The following GRIP1 variants were observed in gnomAD, a reference collection of about 807,000 sequenced individuals.
GRIP1 encodes glutamate receptor interacting protein 1.
Under a neutral mutation model 129.9 loss-of-function variants are expected in GRIP1, and 45 were observed. That is an observed-to-expected ratio of 0.35 (90% CI 0.27 to 0.44). The LOEUF (loss-of-function observed/expected upper bound fraction) is 0.44. Ranked by LOEUF, GRIP1 falls within the 20% of genes least tolerant of loss-of-function variation. The probability of loss-of-function intolerance (pLI) is 1.00; values close to 1 mark genes in which losing one functional copy is unlikely to be tolerated. For synonymous variants in GRIP1, 530 were observed against 520.8 expected (o/e 1.02, Z -0.24); for missense variants, 1,196 against 1,396.8 (o/e 0.86, Z 2.29).
chr12:66,484,894 G>C (rs2059911048), intron 7 of GRIP1, among the ~76,000 whole-genome samples: 1 of 152,126 alleles, frequency 6.6e-6, no homozygotes, highest in Non-Finnish European at 1.5e-5. Context: ...CTATTACTCT[G>C]AGTTGATCAT....
chr12:66,991,091 T>C (rs1327738960), intron 1 of GRIP1, among the ~76,000 whole-genome samples: 1 of 150,228 alleles, frequency 6.7e-6, no homozygotes, highest in Admixed American at 6.6e-5. Context: ...GCTAACAGGG[T>C]GAAATCCCGT....
At chr12:66,376,927 G>T in intron 22 of GRIP1, 90 bp downstream of exon 22, 1 of 893,774 alleles carries the variant, frequency 1.1e-6, no homozygotes, top group Non-Finnish European at 1.9e-6. Context: ...ACTTTTGACT[G>T]CATTGTATAA....
rs558868981 is a variant in GRIP1 at position 66,608,730 on chromosome 12, G to A, written c.56-11803C>T. On this transcript the variant is annotated intron_variant, in intron 1 of 24. Coordinates refer to ENST00000359742, the MANE Select transcript of GRIP1 (RefSeq NM_001366722.1). ...TACCACTTACTAGCTGTGTGACCTCGGACAGGTTCAGTTTCGTCACCTATA... is the reference window on the plus strand; with the variant it reads ...TACCACTTACTAGCTGTGTGACCTCAGACAGGTTCAGTTTCGTCACCTATA... 1.1e-4 allele frequency among the ~76,000 whole-genome samples: 17 copies of A among 152,068 alleles called. No individual in the cohort carries two copies. The South Asian group carries it at 2.1e-3, about 19-fold the overall frequency.
intron 2 of GRIP1, among the ~76,000 whole-genome samples, chr12:66,579,109 C>A (rs1351441728): frequency 6.6e-6 from 1 of 152,166 alleles, no homozygotes; most frequent in Non-Finnish European, 1.5e-5. Flanking sequence ...CACGAAAAAC[C>A]ACTGTTCTGC....
chr12:66,413,924 T>C (rs2057490105), intron 15 of GRIP1, among the ~76,000 whole-genome samples: 1 of 151,898 alleles, frequency 6.6e-6, no homozygotes. Flanking sequence ...CTCTCAATAA[T>C]CTCGGTATTG....
At chr12:66,866,015 G>A (rs2137134571) in intron 1 of GRIP1, among the ~76,000 whole-genome samples, 1 of 152,202 alleles carries the variant, frequency 6.6e-6, no homozygotes, top group South Asian at 2.1e-4. Context: ...AATAACCAAA[G>A]CCTTACTTTT....
chr12:66,965,869 C>T (rs11176501), intron 1 of GRIP1, among the ~76,000 whole-genome samples: 2 of 152,246 alleles, frequency 1.3e-5, no homozygotes, highest in Admixed American at 6.5e-5. Flanking sequence ...TTGGATGACA[C>T]TATTGCAAAA....
At chr12:66,451,421 T>TTTTTTTTTTTTTTTC (rs1565752142) in intron 11 of GRIP1, among the ~76,000 whole-genome samples, 1 of 115,558 alleles carries the variant, frequency 8.7e-6, no homozygotes, top group African/African-American at 3.6e-5. Context: ...TTTTTTTTTT[T>TTTTTTTTTTTTTTTC]CAGATAGGCT....
chr12:66,696,797 T>G (rs1399360642), intron 1 of GRIP1, among the ~76,000 whole-genome samples: 11 of 115,756 alleles, frequency 9.5e-5, no homozygotes, highest in Middle Eastern at 6.0e-3. Context: ...AGAGCAAGAC[T>G]CTGTCTCAAA....
intron 1 of GRIP1, among the ~76,000 whole-genome samples, chr12:66,707,502 C>CAAAAAAA (rs1565979272): frequency 2.3e-5 from 2 of 86,002 alleles, no homozygotes; most frequent in Non-Finnish European, 2.3e-5. Context: ...CAATCACTGA[C>CAAAAAAA]TAAAAAAAAA....
intron 1 of GRIP1, among the ~76,000 whole-genome samples, chr12:66,961,554 G>A (rs1327830452): frequency 1.3e-5 from 2 of 152,110 alleles, no homozygotes; most frequent in Non-Finnish European, 2.9e-5. Context: ...TGTATCTGTT[G>A]ATGTTACAGA....
intron 4 of GRIP1, among the ~76,000 whole-genome samples, chr12:66,536,289 A>T (rs1453116268): frequency 6.6e-6 from 1 of 152,100 alleles, no homozygotes; most frequent in South Asian, 2.1e-4. Flanking sequence ...AACAAATCAC[A>T]TCATGTCACT....
chr12:66,420,419 T>TTG (rs911370276), intron 15 of GRIP1, among the ~76,000 whole-genome samples: 2 of 150,722 alleles, frequency 1.3e-5, no homozygotes, highest in African/African-American at 4.9e-5. Context: ...TTCAGGGTTT[T>TTG]TTTTTTTTTT....
At chr12:66,719,842 T>C (rs1019433561) in intron 1 of GRIP1, among the ~76,000 whole-genome samples, 4 of 152,050 alleles carry the variant, frequency 2.6e-5, no homozygotes, top group African/African-American at 7.2e-5. Context: ...GGTTAAAGAG[T>C]GGAGGAAACC....
At chr12:66,737,219 T>G (rs1386198228) in intron 1 of GRIP1, among the ~76,000 whole-genome samples, 1 of 152,192 alleles carries the variant, frequency 6.6e-6, no homozygotes, top group African/African-American at 2.4e-5. Flanking sequence ...GTTTTTTTCT[T>G]TCTAGGTTCT....
chr12:66,365,350 T>G (rs111800995), intron 23 of GRIP1, among the ~76,000 whole-genome samples: 7,130 of 152,246 alleles, frequency 0.047, 428 homozygotes, highest in African/African-American at 0.12. Context: ...GGCAGGAGAA[T>G]TGCTTGAACC....
At chr12:66,898,811 T>TCTA (rs2137260562) in intron 1 of GRIP1, among the ~76,000 whole-genome samples, 1 of 152,314 alleles carries the variant, frequency 6.6e-6, no homozygotes, top group Admixed American at 6.5e-5. Flanking sequence ...ATAACTACCT[T>TCTA]GAAATTACTC....
intron 1 of GRIP1, among the ~76,000 whole-genome samples, chr12:66,878,624 C>A (rs2040422080): frequency 6.6e-6 from 1 of 152,016 alleles, no homozygotes; most frequent in Non-Finnish European, 1.5e-5. Flanking sequence ...TAAACCAATG[C>A]TACAAAGCAC....
At chr12:66,840,290 T>C (rs940080346) in intron 1 of GRIP1, among the ~76,000 whole-genome samples, 2 of 152,212 alleles carry the variant, frequency 1.3e-5, no homozygotes, top group Admixed American at 6.5e-5. Flanking sequence ...ATTTCAAGTA[T>C]AAAGCAGTGG....
Sources: allele counts gnomAD v4.1 joint callset (sites outside exome capture counted in the v4.1 genomes callset), GRCh38; gene constraint gnomAD v4.1.1; transcripts MANE v1.5; gene names NCBI Gene and HGNC (gene_info 2026-07-23, HGNC 2026-07-21).